The following SLC12A3 variants were observed in gnomAD, a reference collection of about 807,000 sequenced individuals.
The protein encoded by SLC12A3 is solute carrier family 12 member 3, also known as Na-Cl cotransporter.
A neutral mutation model predicts 121.0 loss-of-function variants in SLC12A3; 104 were observed. The observed-to-expected ratio is 0.86, with a 90% CI of 0.73 to 1.01. SLC12A3 has a LOEUF of 1.01. Among genes scored for constraint, SLC12A3 ranks in the 50% least tolerant of loss-of-function variants. The pLI is 0.00. For synonymous variants in SLC12A3, 536 were observed against 533.4 expected (o/e 1.00, Z -0.07); for missense variants, 1,328 against 1,356.3 (o/e 0.98, Z 0.33).
At chr16:56,901,738 C>T (rs1306813740) in intron 23 of SLC12A3, among the ~76,000 whole-genome samples, 2 of 152,210 alleles carry the variant, frequency 1.3e-5, no homozygotes, top group Non-Finnish European at 2.9e-5. Flanking sequence ...AAGCCCTGCC[C>T]GACTGGGCCC....
intron 8 of SLC12A3, among the ~76,000 whole-genome samples, chr16:56,875,625 C>G (rs781075256): frequency 1.3e-5 from 2 of 152,030 alleles, no homozygotes; most frequent in African/African-American, 4.8e-5. Context: ...CACAATCCTG[C>G]CCCCACCCCA....
chr16:56,875,344 C>G (rs1272691169), intron 8 of SLC12A3, among the ~76,000 whole-genome samples: 1 of 152,112 alleles, frequency 6.6e-6, no homozygotes, highest in Non-Finnish European at 1.5e-5. Flanking sequence ...TCTTGCAGGG[C>G]GGTGGGGAGG....
At chr16:56,904,008 G>T (rs2055573314) in intron 24 of SLC12A3, among the ~76,000 whole-genome samples, 1 of 152,202 alleles carries the variant, frequency 6.6e-6, no homozygotes, top group African/African-American at 2.4e-5. Context: ...CCTGGAGAAG[G>T]TATCATCATA....
intron 18 of SLC12A3, 60 bp from the exon 19 acceptor site, chr16:56,890,214 C>A: frequency 7.4e-7 from 1 of 1,349,126 alleles, no homozygotes. Flanking sequence ...TCCTGGGTGC[C>A]AGGTCACCTC....
At chr16:56,904,547 C>T (rs764812593) in intron 25 of SLC12A3, 85 bp downstream of exon 25, 7 of 1,302,256 alleles carry the variant, frequency 5.4e-6, no homozygotes, top group East Asian at 2.3e-5. Context: ...AGGGGCACCA[C>T]GGAGGGCCCA....
intron 13 of SLC12A3, among the ~76,000 whole-genome samples, chr16:56,883,121 A>G (rs1262452711): frequency 6.6e-6 from 1 of 152,180 alleles, no homozygotes; most frequent in Non-Finnish European, 1.5e-5. Context: ...AGAATTGCCC[A>G]AAGTCACAGC....
rs2144797447 is a variant in SLC12A3, at chr16:56,915,045, C to G, written c.*1640C>G. The G allele has an allele frequency of 6.6e-6, 1 of 152,396 alleles. No individual in the cohort carries two copies. Among genetic ancestry groups the G allele is most frequent in the Non-Finnish European group, 1.5e-5 (1 of 68,098 alleles). The allele number at this position is 152,396 out of a possible 1,614,324, so 9.4% of individuals were successfully genotyped here. A position where few individuals can be genotyped will look rare whatever the true frequency, so the allele number is the denominator to read the frequency against. ...CCTGGCTCACGGAAGGCCTTCAGGT[C>G]ACTACACGTTGAACATCCCCAGTGT... On this transcript the variant is annotated 3_prime_UTR_variant, in exon 26 of 26. Transcript: ENST00000563236.
Position 56,870,638 on chromosome 16 carries a change from C to T in SLC12A3, c.754C>T (p.Pro252Ser). The T allele has an allele frequency of 6.2e-7, 1 of 1,609,562 alleles. No homozygotes were observed. Among genetic ancestry groups the T allele is most frequent in the Non-Finnish European group, 8.5e-7 (1 of 1,175,794 alleles). Residue 252 changes from proline to serine, a missense_variant, in exon 6 of 26, where the codon CCC (proline) becomes TCC (serine). Coordinates refer to ENST00000563236, the MANE Select transcript of SLC12A3 (RefSeq NM_001126108.2). ...TTTCCCTCCCCAGGAGTATGGGGCA[C>T]CCATCGTGGACCCCATTAACGACAT... ...VRDLLQEYGA[P>S]IVDPINDIRI...
Position 56,887,927 on chromosome 16 carries a change from C to T in SLC12A3, c.2181C>T (p.Ala727=), listed in dbSNP as rs776471167. Residue 727 remains alanine (A), a splice_region_variant and synonymous_variant, in exon 18 of 26, where the codon GCC becomes GCT. Coordinates refer to ENST00000563236, the MANE Select transcript of SLC12A3 (RefSeq NM_001126108.2). The part of the protein sequence containing the change: ...LRRGVQILMQ[A]AGLGRMKPNI... ...ATCTCACCCCTATCCCCTGGCAGGC[C>T]GCAGGTCTCGGGAGAATGAAGCCCA... The T allele has an allele frequency of 1.2e-5, 19 of 1,611,106 alleles. No individual in the cohort carries two copies. Among genetic ancestry groups the T allele is most frequent in the South Asian group, 4.4e-5 (4 of 91,036 alleles).
chr16:56,880,116 A>T lies in SLC12A3; in HGVS notation c.1444-14A>T, dbSNP rs764510445. On this transcript the variant is annotated splice_polypyrimidine_tract_variant and intron_variant, in intron 11 of 25. Coordinates refer to ENST00000563236, the MANE Select transcript of SLC12A3 (RefSeq NM_001126108.2). ...GTCCCAGCCTAAGGGTGAGTGCGGC[A>T]TCTGGTGCTGCAGTGCCTTTGCGAG... The T allele has an allele frequency of 1.2e-6, 2 of 1,601,828 alleles. No individual in the cohort carries two copies. The highest frequency in any genetic ancestry group is 2.7e-5 in the African/African-American group (2 of 74,866).
intron 13 of SLC12A3, among the ~76,000 whole-genome samples, chr16:56,882,805 G>C (rs1381491466): frequency 2.0e-5 from 3 of 151,920 alleles, no homozygotes; most frequent in African/African-American, 7.3e-5. Context: ...AGCCAGATGT[G>C]GTAGCGGTCA....
chr16:56,899,223 A>T (rs2055504845), intron 22 of SLC12A3, among the ~76,000 whole-genome samples: 1 of 152,198 alleles, frequency 6.6e-6, no homozygotes, highest in African/African-American at 2.4e-5. Flanking sequence ...ATACATTTTT[A>T]AAACTCTCAG....
chr16:56,898,150 G>C (rs2055490582), intron 22 of SLC12A3, among the ~76,000 whole-genome samples: 1 of 152,220 alleles, frequency 6.6e-6, no homozygotes, highest in African/African-American at 2.4e-5. Flanking sequence ...GAATCACCTG[G>C]GGCATTACCA....
In SLC12A3 at chr16:56,879,116, A is replaced by C; in HGVS notation, c.1224A>C (p.Thr408=). ...ATGCCTCTGGGGTCCTGAATGACAC[A>C]GTGACCCCTGGCTGGGGTGCCTGCG... ...VRDASGVLND[T]VTPGWGACEG... The change falls in exon 10 of 26, where the codon ACA becomes ACC. Residue 408 remains threonine (T), a synonymous_variant. Transcript: ENST00000563236. The C allele has an allele frequency of 1.2e-6, 2 of 1,613,662 alleles. No homozygotes were observed. Among genetic ancestry groups the C allele is most frequent in the Non-Finnish European group, 1.7e-6 (2 of 1,179,898 alleles).
At chr16:56,885,398 C>A in intron 15 of SLC12A3, 34 bp downstream of exon 15, 1 of 1,353,772 alleles carries the variant, frequency 7.4e-7, no homozygotes. Context: ...CCTGGGACCC[C>A]AGGGCCAGTG....
intron 19 of SLC12A3, among the ~76,000 whole-genome samples, chr16:56,891,296 C>T (rs2055385054): frequency 7.0e-6 from 1 of 143,586 alleles, no homozygotes; most frequent in Admixed American, 7.6e-5. Context: ...CGCTTGAGGC[C>T]AGGAGTTTGA....
chr16:56,873,179 G>T (rs1183233921), intron 8 of SLC12A3, among the ~76,000 whole-genome samples: 8 of 152,166 alleles, frequency 5.3e-5, no homozygotes, highest in Middle Eastern at 3.4e-3. Flanking sequence ...GGCATTCAAG[G>T]CTCCAGCCTG....
At chr16:56,878,037 T>TA in intron 8 of SLC12A3, 40 bp from the exon 9 acceptor site, 12 of 421,372 alleles carry the variant, frequency 2.8e-5, no homozygotes, top group East Asian at 5.0e-5. Flanking sequence ...CCTCCCTCTC[T>TA]CCCTCCCTCC....
rs1412751721 is a variant in SLC12A3 at position 56,884,161 on chromosome 16, C to T, written c.1782C>T (p.Gly594=). ...GGTGGGCGGCCCTCATCGCCATTGG[C>T]GTGGTGCTCTTCCTCCTGCTCTATG... ...LTWWAALIAI[G]VVLFLLLYVI... The change falls in exon 14 of 26, where the codon GGC becomes GGT. Residue 594 remains glycine, a synonymous_variant. Coordinates refer to ENST00000563236, the MANE Select transcript of SLC12A3 (RefSeq NM_001126108.2). The T allele has an allele frequency of 1.1e-5, 17 of 1,614,060 alleles. 1 individual carries two copies. The Middle Eastern group carries it at 4.9e-4, about 47-fold the overall frequency.
Sources: gnomAD v4.1 joint callset for allele counts (sites outside exome capture counted in the v4.1 genomes callset) on GRCh38, gnomAD v4.1.1 for gene constraint, MANE v1.5 for transcripts, NCBI Gene and HGNC (gene_info 2026-07-23, HGNC 2026-07-21) for gene names.